Variants in NEK1 observed in about 807,000 individuals in gnomAD.
NEK1 encodes the protein serine/threonine-protein kinase Nek1.
Under a neutral mutation model 182.1 loss-of-function variants are expected in NEK1, and 137 were observed. The observed-to-expected ratio is 0.75, with a 90% confidence interval of 0.65 to 0.87. The LOEUF (loss-of-function observed/expected upper bound fraction) is 0.87. NEK1 is among the 40% of genes least tolerant of loss of function. The probability of loss-of-function intolerance (pLI) is 0.00; values close to 1 mark genes in which losing one functional copy is unlikely to be tolerated. For missense variants in NEK1, 1,391 were observed against 1,494.4 expected (o/e 0.93, Z 1.14); for synonymous variants, 513 against 492.2 (o/e 1.04, Z -0.56).
At chr4:169,555,396 G>T in intron 18 of NEK1, 1 of 294,638 alleles carries the variant, frequency 3.4e-6, no homozygotes, top group South Asian at 3.4e-5. Flanking sequence ...ATTCAATTTA[G>T]ATTTATATCC....
chr4:169,522,711 A>T (rs770961430), intron 19 of NEK1, among the ~76,000 whole-genome samples: 1 of 152,150 alleles, frequency 6.6e-6, no homozygotes, highest in South Asian at 2.1e-4. Flanking sequence ...AGGTACCATG[A>T]ATAAGTTGTG....
At position 169,562,002 on chromosome 4, in the gene NEK1, T is replaced by TAAAA; in HGVS notation, c.1081-115_1081-112dup. On this transcript the variant is annotated intron_variant, in intron 13 of 35. Transcript: ENST00000507142. ...GGTATGTTCAATGAGGTTTTTTTTTTAAAAAAAAAAAGAAGTTATAGGTAT... is the reference window on the plus strand; with the variant it reads ...GGTATGTTCAATGAGGTTTTTTTTTTAAAAAAAAAAAAAAAGAAGTTATAGGTAT... 5 of 857,276 alleles carry TAAAA rather than the reference T, an allele frequency of 5.8e-6. No homozygotes were observed. The South Asian group carries it at 9.8e-5, about 17-fold the overall frequency. The allele number at this position is 857,276 out of a possible 1,614,324, so 53.1% of individuals were successfully genotyped here.
At chr4:169,511,860 T>C (rs987245677) in intron 19 of NEK1, among the ~76,000 whole-genome samples, 1 of 152,156 alleles carries the variant, frequency 6.6e-6, no homozygotes. Flanking sequence ...ACTCACAATA[T>C]GTGTCCTTTT....
At chr4:169,450,565 T>C (rs187816382) in intron 27 of NEK1, among the ~76,000 whole-genome samples, 2 of 152,304 alleles carry the variant, frequency 1.3e-5, no homozygotes, top group African/African-American at 4.8e-5. Context: ...CAGAATTTGA[T>C]ATCCAGCCAA....
At chr4:169,544,228 G>T (rs192198064) in intron 18 of NEK1, among the ~76,000 whole-genome samples, 31 of 152,238 alleles carry the variant, frequency 2.0e-4, no homozygotes, top group African/African-American at 7.0e-4. Flanking sequence ...AGATAATCAT[G>T]GGGTTTTTGT....
intron 27 of NEK1, among the ~76,000 whole-genome samples, chr4:169,452,318 T>C (rs1028715894): frequency 1.3e-5 from 2 of 152,214 alleles, no homozygotes; most frequent in African/African-American, 4.8e-5. Flanking sequence ...ACGCATTTTA[T>C]GAGGCCAACA....
intron 16 of NEK1, among the ~76,000 whole-genome samples, chr4:169,556,584 T>C (rs771717085): frequency 2.0e-5 from 3 of 152,094 alleles, no homozygotes; most frequent in African/African-American, 7.2e-5. Context: ...ATGTTCTATA[T>C]GTATATAAAA....
At chr4:169,577,367 G>A (rs576300190) in intron 11 of NEK1, among the ~76,000 whole-genome samples, 6 of 151,456 alleles carry the variant, frequency 4.0e-5, no homozygotes, top group Admixed American at 1.3e-4. Context: ...TGCACGTATC[G>A]GTGAATATAC....
chr4:169,533,731 AAAAG>A (rs1758022705), intron 19 of NEK1, among the ~76,000 whole-genome samples: 2 of 152,218 alleles, frequency 1.3e-5, no homozygotes. Context: ...AAACACAGTA[AAAAG>A]AGAGAAAAAG....
chr4:169,440,517 C>T (rs1319015890), intron 27 of NEK1, among the ~76,000 whole-genome samples: 4 of 152,066 alleles, frequency 2.6e-5, no homozygotes, highest in Admixed American at 2.6e-4. Flanking sequence ...CTTGTCTGTT[C>T]CACAAAGAAG....
chr4:169,542,473 T>C (rs1220858315), intron 18 of NEK1, among the ~76,000 whole-genome samples: 1 of 152,244 alleles, frequency 6.6e-6, no homozygotes, highest in African/African-American at 2.4e-5. Flanking sequence ...CATATGCATG[T>C]GTCTTTATAG....
chr4:169,562,289 T>A, intron 12 of NEK1, 93 bp from the exon 13 acceptor site: 1 of 819,570 alleles, frequency 1.2e-6, no homozygotes, highest in Non-Finnish European at 1.9e-6. Context: ...AAGAAAAAGG[T>A]AAAGTCAATA....
intron 31 of NEK1, among the ~76,000 whole-genome samples, chr4:169,413,759 G>A (rs748619568): frequency 1.3e-5 from 2 of 152,192 alleles, no homozygotes; most frequent in Non-Finnish European, 2.9e-5. Flanking sequence ...GCTCACGCCT[G>A]TAATCCTAGA....
chr4:169,513,861 T>G (rs1013353447), intron 19 of NEK1, among the ~76,000 whole-genome samples: 3 of 152,190 alleles, frequency 2.0e-5, no homozygotes, highest in African/African-American at 7.2e-5. Context: ...GTTGATATGG[T>G]GAATCACATT....
At chr4:169,538,918 C>T (rs893465921) in intron 18 of NEK1, among the ~76,000 whole-genome samples, 1 of 152,034 alleles carries the variant, frequency 6.6e-6, no homozygotes, top group African/African-American at 2.4e-5. Context: ...CTAACTGAAA[C>T]ATAAAAATAT....
rs894132986 is a variant in NEK1, at chr4:169,392,879, C to G, written c.*1631G>C. On this transcript the variant is annotated 3_prime_UTR_variant, in exon 36 of 36. Coordinates refer to ENST00000507142, the MANE Select transcript of NEK1 (RefSeq NM_001199397.3). Reference sequence around the variant, plus strand: ...GTCAATTCCAACACTTATAATAGACCTTACTGAAAAATAGCCCTTTTCCTC... The same window carrying G: ...GTCAATTCCAACACTTATAATAGACGTTACTGAAAAATAGCCCTTTTCCTC... The G allele has an allele frequency of 1.3e-5, 2 of 152,086 alleles. No homozygotes were observed. The highest frequency in any genetic ancestry group is 4.8e-5 in the African/African-American group (2 of 41,412). The allele number at this position is 152,086 out of a possible 1,614,324, so 9.4% of individuals were successfully genotyped here.
chr4:169,568,836 C>G (rs898075655), intron 12 of NEK1, among the ~76,000 whole-genome samples: 1 of 151,084 alleles, frequency 6.6e-6, no homozygotes, highest in Admixed American at 6.6e-5. Flanking sequence ...ACTCGGGAGG[C>G]TGAGGCAGGA....
chr4:169,413,290 C>T (rs1733978596), intron 31 of NEK1, among the ~76,000 whole-genome samples: 4 of 151,878 alleles, frequency 2.6e-5, no homozygotes, highest in Admixed American at 2.0e-4. Context: ...ATCTCTGCCT[C>T]CGAAGCAGCT....
intron 23 of NEK1, among the ~76,000 whole-genome samples, chr4:169,483,214 A>C (rs562320231): frequency 2.0e-5 from 3 of 152,296 alleles, no homozygotes; most frequent in Admixed American, 1.3e-4. Context: ...AGCAATTAGA[A>C]CACACACATT....
Sources: gnomAD v4.1 joint callset for allele counts (sites outside exome capture counted in the v4.1 genomes callset) on GRCh38, gnomAD v4.1.1 for gene constraint, MANE v1.5 for transcripts, NCBI Gene and HGNC (gene_info 2026-07-23, HGNC 2026-07-21) for gene names.